The following PSD3 variants were observed in gnomAD, a reference collection of about 807,000 sequenced individuals.
The protein encoded by PSD3 is pleckstrin and Sec7 domain containing 3.
PSD3 carries 49 observed loss-of-function variants against 105.5 expected under a neutral mutation model. The observed-to-expected ratio is 0.46, with a 90% CI of 0.37 to 0.59. The LOEUF (loss-of-function observed/expected upper bound fraction) is 0.59. Among genes scored for constraint, PSD3 ranks in the 20% least tolerant of loss-of-function variants. PSD3 has a pLI of 0.00. For missense variants in PSD3, 1,561 were observed against 1,263.8 expected (o/e 1.24, Z -3.57); for synonymous variants, 557 against 457.8 (o/e 1.22, Z -2.77).
chr8:18,536,594 G>A (rs1799858765), intron 15 of PSD3, among the ~76,000 whole-genome samples: 1 of 152,168 alleles, frequency 6.6e-6, no homozygotes, highest in Non-Finnish European at 1.5e-5. Context: ...TGAACAGTAT[G>A]AAGCTGGCAG....
At chr8:18,763,440 T>A (rs1204290683) in intron 9 of PSD3, among the ~76,000 whole-genome samples, 2 of 152,208 alleles carry the variant, frequency 1.3e-5, no homozygotes, top group Admixed American at 6.5e-5. Context: ...TATGTATGTA[T>A]GTATCTGTGT....
intron 1 of PSD3, among the ~76,000 whole-genome samples, chr8:18,949,467 C>T (rs1488509537): frequency 2.0e-5 from 3 of 150,956 alleles, no homozygotes; most frequent in Non-Finnish European, 4.4e-5. Flanking sequence ...TAAAATAACA[C>T]ACGAAATATT....
At chr8:18,898,204 T>C (rs1325327252) in intron 2 of PSD3, among the ~76,000 whole-genome samples, 1 of 152,202 alleles carries the variant, frequency 6.6e-6, no homozygotes, top group East Asian at 1.9e-4. Flanking sequence ...AGAGGGGTGT[T>C]TAAGTGCCCA....
intron 12 of PSD3, among the ~76,000 whole-genome samples, chr8:18,585,526 C>G (rs192468422): frequency 6.6e-6 from 1 of 152,054 alleles, no homozygotes; most frequent in Admixed American, 6.6e-5. Flanking sequence ...ACATGTTGCC[C>G]AGGCTGGTCT....
chr8:19,019,995 C>G (rs79708709), intron 1 of PSD3, among the ~76,000 whole-genome samples: 14,442 of 152,146 alleles, frequency 0.095, 868 homozygotes, highest in Non-Finnish European at 0.14. Flanking sequence ...CACCTTTCCC[C>G]CAAGACCCGA....
chr8:18,982,417 C>A (rs1825290298), intron 1 of PSD3, among the ~76,000 whole-genome samples: 1 of 152,168 alleles, frequency 6.6e-6, no homozygotes, highest in Non-Finnish European at 1.5e-5. Context: ...CAATGAATCA[C>A]AAATGTTCTT....
intron 11 of PSD3, among the ~76,000 whole-genome samples, chr8:18,600,873 G>T (rs1017283610): frequency 6.6e-6 from 1 of 152,258 alleles, no homozygotes; most frequent in East Asian, 1.9e-4. Flanking sequence ...TAGAAATCAC[G>T]AAGTAGTCTC....
chr8:18,608,184 G>A (rs1485752634), intron 11 of PSD3, among the ~76,000 whole-genome samples: 1 of 152,066 alleles, frequency 6.6e-6, no homozygotes, highest in South Asian at 2.1e-4. Flanking sequence ...CGTGCCACTG[G>A]ATTCTATCCT....
chr8:19,050,913 T>C (rs533031045), intron 1 of PSD3, among the ~76,000 whole-genome samples: 5 of 152,122 alleles, frequency 3.3e-5, no homozygotes, highest in Non-Finnish European at 7.4e-5. Context: ...GTCACTCACA[T>C]TCTCTCCCAA....
chr8:18,971,666 A>G (rs1824660293), intron 1 of PSD3, among the ~76,000 whole-genome samples: 1 of 152,134 alleles, frequency 6.6e-6, no homozygotes, highest in Non-Finnish European at 1.5e-5. Flanking sequence ...TCTGCCATGG[A>G]GGGATGTGGA....
intron 9 of PSD3, among the ~76,000 whole-genome samples, chr8:18,743,453 C>T (rs1203017298): frequency 1.3e-5 from 2 of 152,056 alleles, no homozygotes; most frequent in African/African-American, 4.8e-5. Flanking sequence ...TTCTTTGTTA[C>T]AATAGATAAT....
chr8:18,797,475 G>C (rs1810291299), intron 8 of PSD3, among the ~76,000 whole-genome samples: 1 of 152,106 alleles, frequency 6.6e-6, no homozygotes, highest in Non-Finnish European at 1.5e-5. Context: ...ACAATTCCTT[G>C]TAAGTCTAAA....
chr8:18,926,097 T>C (rs779595903), intron 2 of PSD3, among the ~76,000 whole-genome samples: 3 of 149,026 alleles, frequency 2.0e-5, no homozygotes, highest in African/African-American at 2.5e-5. Flanking sequence ...TTTTTCACCA[T>C]ATTAATGGTA....
At chr8:19,078,567 A>G (rs1829533303) in intron 1 of PSD3, among the ~76,000 whole-genome samples, 3 of 151,962 alleles carry the variant, frequency 2.0e-5, no homozygotes, top group South Asian at 4.2e-4. Context: ...TCTGCTCCCC[A>G]TCAACCTTTA....
intron 4 of PSD3, among the ~76,000 whole-genome samples, chr8:18,862,616 T>C (rs1364633284): frequency 6.6e-6 from 1 of 152,060 alleles, no homozygotes; most frequent in East Asian, 1.9e-4. Context: ...TTTCACAACA[T>C]GAAAATGTTG....
intron 10 of PSD3, among the ~76,000 whole-genome samples, chr8:18,651,871 C>A (rs985700000): frequency 6.6e-5 from 10 of 152,114 alleles, no homozygotes; most frequent in African/African-American, 2.4e-4. Flanking sequence ...CAATTATTGG[C>A]AGAACGTGAA....
intron 12 of PSD3, among the ~76,000 whole-genome samples, chr8:18,584,653 G>A (rs753120613): frequency 1.1e-4 from 16 of 152,284 alleles, no homozygotes; most frequent in South Asian, 2.1e-4. Flanking sequence ...CTGCCAAGCC[G>A]TTTCCTACAT....
At chr8:18,933,674 G>A (rs1360274944) in intron 2 of PSD3, among the ~76,000 whole-genome samples, 1 of 152,120 alleles carries the variant, frequency 6.6e-6, no homozygotes, top group East Asian at 1.9e-4. Context: ...CACCATGTTG[G>A]CCAGGCTGGT....
At chr8:18,717,892 A>C (rs1802702172) in intron 9 of PSD3, among the ~76,000 whole-genome samples, 1 of 151,230 alleles carries the variant, frequency 6.6e-6, no homozygotes, top group South Asian at 2.1e-4. Flanking sequence ...AGACTTGGTA[A>C]ATAGAACACA....
Sources: allele counts gnomAD v4.1 joint callset (sites outside exome capture counted in the v4.1 genomes callset), GRCh38; gene constraint gnomAD v4.1.1; transcripts MANE v1.5; gene names NCBI Gene and HGNC (gene_info 2026-07-23, HGNC 2026-07-21).